ATP8B4: variants seen among roughly 807,000 people sequenced by gnomAD.
ATP8B4 encodes the protein ATPase phospholipid transporting 8B4 (putative), also known as probable phospholipid-transporting ATPase IM.
A neutral mutation model predicts 145.6 loss-of-function variants in ATP8B4; 133 were observed. The ratio of observed to expected loss-of-function variants is 0.91; its 90% CI spans 0.79 to 1.05. ATP8B4 has a LOEUF of 1.05. Ranked by LOEUF, ATP8B4 falls within the 50% of genes least tolerant of loss-of-function variation. The pLI, the probability that ATP8B4 is intolerant of heterozygous loss-of-function variation, is 0.00. For missense variants in ATP8B4, 1,458 were observed against 1,425.2 expected, an observed-to-expected ratio of 1.02 and a Z score of -0.37; for synonymous variants, 507 against 492.9, an observed-to-expected ratio of 1.03 and a Z score of -0.38.
chr15:49,940,520 C>A (rs868581741), intron 14 of ATP8B4, among the ~76,000 whole-genome samples: 9 of 152,030 alleles, frequency 5.9e-5, no homozygotes, highest in African/African-American at 2.2e-4. Context: ...ATGTAACAAA[C>A]CTGCACAAGT....
intron 7 of ATP8B4, among the ~76,000 whole-genome samples, chr15:50,010,039 T>C (rs1331738307): frequency 6.6e-6 from 1 of 152,196 alleles, no homozygotes; most frequent in Non-Finnish European, 1.5e-5. Context: ...TTAACTGAGT[T>C]GTTATTCTTG....
At chr15:50,124,962 G>A (rs1212201649) in intron 1 of ATP8B4, among the ~76,000 whole-genome samples, 1 of 152,180 alleles carries the variant, frequency 6.6e-6, no homozygotes, top group Admixed American at 6.5e-5. Flanking sequence ...ATGCTCCACA[G>A]CCAAAACTGG....
intron 6 of ATP8B4, among the ~76,000 whole-genome samples, chr15:50,022,952 G>A (rs531442874): frequency 1.2e-4 from 18 of 152,106 alleles, no homozygotes; most frequent in Non-Finnish European, 2.5e-4. Flanking sequence ...CTACTCCCTG[G>A]ATATATCTAT....
intron 25 of ATP8B4, among the ~76,000 whole-genome samples, chr15:49,868,652 T>A (rs543612533): frequency 6.6e-6 from 1 of 152,228 alleles, no homozygotes; most frequent in African/African-American, 2.4e-5. Context: ...TCTAAATAAT[T>A]AACATGTAAG....
intron 1 of ATP8B4, among the ~76,000 whole-genome samples, chr15:50,148,919 A>C (rs575573511): frequency 6.6e-6 from 1 of 152,254 alleles, no homozygotes; most frequent in African/African-American, 2.4e-5. Flanking sequence ...ATAAAATGTT[A>C]TATTGTCTAC....
intron 14 of ATP8B4, among the ~76,000 whole-genome samples, chr15:49,946,957 C>T (rs1261943168): frequency 1.3e-5 from 2 of 152,186 alleles, no homozygotes; most frequent in East Asian, 3.9e-4. Flanking sequence ...GGCAAATGAT[C>T]AGACAACTAA....
rs747247223 is a variant in ATP8B4 at position 49,866,339 on chromosome 15, CACTT to C, written c.3166+3_3166+6del. 2 of 1,613,502 alleles carry C rather than the reference CACTT, an allele frequency of 1.2e-6. No individual in the cohort carries two copies. The highest frequency in any genetic ancestry group is 1.7e-5 in the Admixed American group (1 of 59,976). ...CTAGGTTCCACTAGTCAACATGACT[CACTT>C]ACCAACAAATGGAAACTGGTTTGGG... On this transcript the variant is annotated splice_donor_5th_base_variant and intron_variant, in intron 26 of 27. Transcript: ENST00000284509.
At chr15:50,094,269 C>G (rs963185197) in intron 2 of ATP8B4, among the ~76,000 whole-genome samples, 1 of 152,082 alleles carries the variant, frequency 6.6e-6, no homozygotes, top group African/African-American at 2.4e-5. Flanking sequence ...GTAGAAGGAA[C>G]TCCTCTTGCC....
intron 1 of ATP8B4, among the ~76,000 whole-genome samples, chr15:50,110,837 A>G (rs1395069314): frequency 6.6e-6 from 1 of 152,194 alleles, no homozygotes; most frequent in Non-Finnish European, 1.5e-5. Flanking sequence ...ATAGCTAAGG[A>G]CTTTACATAT....
intron 6 of ATP8B4, among the ~76,000 whole-genome samples, chr15:50,032,331 A>G (rs976383607): frequency 6.6e-6 from 1 of 152,208 alleles, no homozygotes; most frequent in African/African-American, 2.4e-5. Context: ...AATGGCTTCC[A>G]GCTTCATCCA....
chr15:49,865,396 C>T (rs1243878998), intron 26 of ATP8B4, among the ~76,000 whole-genome samples: 1 of 152,170 alleles, frequency 6.6e-6, no homozygotes, highest in Non-Finnish European at 1.5e-5. Context: ...ATGGGTCTCC[C>T]TGAGTTCTTT....
chr15:49,933,251 T>A (rs1164423078), intron 15 of ATP8B4, among the ~76,000 whole-genome samples: 6 of 151,996 alleles, frequency 3.9e-5, no homozygotes, highest in Non-Finnish European at 7.4e-5. Context: ...ACATGCAATA[T>A]ATTTAACAGA....
Position 50,063,628 on chromosome 15 carries a change from G to C in ATP8B4, c.87+10499C>G, listed in dbSNP as rs570654219. On this transcript the variant is annotated intron_variant, in intron 3 of 27. Coordinates refer to ENST00000284509, the MANE Select transcript of ATP8B4 (RefSeq NM_024837.4). ...TAATAGACTCAACAGTCACTGAAAA[G>C]ATAGTACAGTCTTAGACTGTATTAA... 1.7e-4 allele frequency among the ~76,000 whole-genome samples: 26 copies of C among 152,220 alleles called. 1 individual carries two copies. The East Asian group carries it at 4.8e-3, about 28-fold the overall frequency.
At chr15:49,932,805 G>T (rs1333231279) in intron 15 of ATP8B4, among the ~76,000 whole-genome samples, 1 of 151,974 alleles carries the variant, frequency 6.6e-6, no homozygotes, top group Non-Finnish European at 1.5e-5. Context: ...TCAAAACTGG[G>T]TCCCCCAAAG....
At chr15:50,036,114 A>C (rs1015817943) in intron 6 of ATP8B4, among the ~76,000 whole-genome samples, 7 of 152,230 alleles carry the variant, frequency 4.6e-5, no homozygotes, top group African/African-American at 1.4e-4. Flanking sequence ...CTACTATCTT[A>C]TACCTGCTTC....
chr15:49,979,654 T>TA lies in ATP8B4; in HGVS notation c.996dup (p.Ile333TyrfsTer49). 6.3e-7 allele frequency: 1 copy of TA among 1,594,296 alleles called. No homozygotes were observed. The highest frequency in any genetic ancestry group is 8.6e-7 in the Non-Finnish European group (1 of 1,166,998). On this transcript the variant is annotated frameshift_variant, in exon 12 of 28. Transcript: ENST00000284509. LOFTEE classifies it high-confidence loss of function. Reference sequence around the variant, plus strand: ...GAAATGGGTACAACTGTATTGAGAATAATAATATATGACCAGAATGTTAAG... The same window carrying TA: ...GAAATGGGTACAACTGTATTGAGAATAAATAATATATGACCAGAATGTTAAG...
At chr15:49,929,201 C>T (rs1401001530) in intron 16 of ATP8B4, among the ~76,000 whole-genome samples, 1 of 152,110 alleles carries the variant, frequency 6.6e-6, no homozygotes, top group African/African-American at 2.4e-5. Context: ...CCTGGGTTCA[C>T]ATATCTGATC....
chr15:50,024,100 T>C (rs2153583796), intron 6 of ATP8B4, among the ~76,000 whole-genome samples: 1 of 152,350 alleles, frequency 6.6e-6, no homozygotes, highest in Non-Finnish European at 1.5e-5. Flanking sequence ...ATAAAAGTTA[T>C]GCATCTAGCA....
intron 3 of ATP8B4, 90 bp downstream of exon 3, chr15:50,074,037 G>C: frequency 1.8e-6 from 2 of 1,140,596 alleles, no homozygotes; most frequent in Non-Finnish European, 1.3e-6. Context: ...AAAGTTTTTG[G>C]TGAAGTCATA....
Sources: gnomAD v4.1 joint callset for allele counts (sites outside exome capture counted in the v4.1 genomes callset) on GRCh38, gnomAD v4.1.1 for gene constraint, MANE v1.5 for transcripts, NCBI Gene and HGNC (gene_info 2026-07-23, HGNC 2026-07-21) for gene names.